The following TMEM163 variants were observed in gnomAD, a reference collection of about 807,000 sequenced individuals.
The protein encoded by TMEM163 is transmembrane protein 163.
In TMEM163, 17 loss-of-function variants were observed where a neutral mutation model predicts 29.3. The ratio of observed to expected loss-of-function variants is 0.58; its 90% CI spans 0.40 to 0.87. The LOEUF (loss-of-function observed/expected upper bound fraction) is 0.87. Among genes scored for constraint, TMEM163 ranks in the 40% least tolerant of loss-of-function variants. TMEM163 has a pLI of 0.00. For synonymous variants in TMEM163, 157 were observed against 160.6 expected (o/e 0.98, Z 0.17); for missense variants, 303 against 381.5 (o/e 0.79, Z 1.71).
chr2:134,677,001 G>C (rs1218365419), intron 2 of TMEM163, among the ~76,000 whole-genome samples: 1 of 152,108 alleles, frequency 6.6e-6, no homozygotes, highest in African/African-American at 2.4e-5. Flanking sequence ...TTCTTCTACA[G>C]TTCTCTGCAG....
chr2:134,497,587 A>G (rs577646214), intron 5 of TMEM163, among the ~76,000 whole-genome samples: 1 of 152,282 alleles, frequency 6.6e-6, no homozygotes, highest in African/African-American at 2.4e-5. Flanking sequence ...TAGAAACAAT[A>G]TCATCTTCTT....
At chr2:134,501,234 G>T (rs1455720936) in intron 5 of TMEM163, among the ~76,000 whole-genome samples, 1 of 152,210 alleles carries the variant, frequency 6.6e-6, no homozygotes, top group Non-Finnish European at 1.5e-5. Flanking sequence ...GGAATCTTCA[G>T]CTTCTCTGAA....
At chr2:134,641,228 T>C (rs1683213159) in intron 2 of TMEM163, among the ~76,000 whole-genome samples, 1 of 152,178 alleles carries the variant, frequency 6.6e-6, no homozygotes, top group African/African-American at 2.4e-5. Context: ...CCAAGGTATT[T>C]CAAGAGCCAA....
chr2:134,536,075 C>T (rs558215364), intron 4 of TMEM163, among the ~76,000 whole-genome samples: 15 of 152,016 alleles, frequency 9.9e-5, no homozygotes, highest in Non-Finnish European at 1.6e-4. Flanking sequence ...GGAGGGCGCA[C>T]GCGTATATAC....
intron 2 of TMEM163, among the ~76,000 whole-genome samples, chr2:134,664,084 T>C (rs1683819180): frequency 6.6e-6 from 1 of 152,244 alleles, no homozygotes; most frequent in Non-Finnish European, 1.5e-5. Flanking sequence ...ATGTGTCCCT[T>C]TCCTCTTGCA....
chr2:134,556,427 AC>A (rs1381574058), intron 2 of TMEM163, among the ~76,000 whole-genome samples: 1 of 152,230 alleles, frequency 6.6e-6, no homozygotes, highest in Non-Finnish European at 1.5e-5. Context: ...TAACAGCAAA[AC>A]ATTAGAGGTA....
At chr2:134,520,906 T>C (rs1680176172) in intron 4 of TMEM163, among the ~76,000 whole-genome samples, 1 of 152,224 alleles carries the variant, frequency 6.6e-6, no homozygotes, top group Admixed American at 6.5e-5. Context: ...CCTTGAAGTT[T>C]CTTCTTCCAT....
rs558473624 is a variant in TMEM163 at position 134,523,358 on chromosome 2, G to A, written c.459-20361C>T. Among the ~76,000 whole-genome samples the A allele has an allele frequency of 5.9e-5, 9 of 152,218 alleles. No individual in the cohort carries two copies. The East Asian group carries it at 1.2e-3, about 20-fold the overall frequency. On this transcript the variant is annotated intron_variant, in intron 4 of 7. Coordinates refer to ENST00000281924, the MANE Select transcript of TMEM163 (RefSeq NM_030923.5). ...TCATGAGCTTGTTAAAAGGTCACATGCCAAAAACTTCATGTAACAGGAAAG... is the reference window on the plus strand; with the variant it reads ...TCATGAGCTTGTTAAAAGGTCACATACCAAAAACTTCATGTAACAGGAAAG...
At chr2:134,520,058 G>A (rs1680161436) in intron 4 of TMEM163, among the ~76,000 whole-genome samples, 1 of 152,114 alleles carries the variant, frequency 6.6e-6, no homozygotes, top group Admixed American at 6.5e-5. Flanking sequence ...AAGGGGCGTG[G>A]AGGAAGAAAA....
At chr2:134,704,037 T>C (rs544808116) in intron 2 of TMEM163, among the ~76,000 whole-genome samples, 2 of 152,238 alleles carry the variant, frequency 1.3e-5, no homozygotes, top group East Asian at 1.9e-4. Flanking sequence ...CACTCAATCA[T>C]GGTGGGTCCC....
chr2:134,493,499 A>G (rs1574175200), intron 5 of TMEM163, among the ~76,000 whole-genome samples: 2 of 148,396 alleles, frequency 1.3e-5, no homozygotes, highest in Non-Finnish European at 3.0e-5. Context: ...TCAGCCTCCC[A>G]AGTAGCTGAG....
At chr2:134,532,316 C>T (rs1680433805) in intron 4 of TMEM163, among the ~76,000 whole-genome samples, 2 of 152,202 alleles carry the variant, frequency 1.3e-5, no homozygotes, top group South Asian at 2.1e-4. Context: ...GTCGAGATAA[C>T]ACAACAAGCC....
chr2:134,479,676 C>T (rs1687003448), intron 5 of TMEM163, among the ~76,000 whole-genome samples: 1 of 152,142 alleles, frequency 6.6e-6, no homozygotes, highest in South Asian at 2.1e-4. Context: ...GCACCTAATT[C>T]ATGCCACAGG....
Position 134,461,620 on chromosome 2 carries a change from C to T in TMEM163, c.668-3447G>A, listed in dbSNP as rs140703689. Among the ~76,000 whole-genome samples the T allele has an allele frequency of 2.9e-3, 442 of 152,348 alleles. 1 individual carries two copies. The highest frequency in any genetic ancestry group is 0.01 in the African/African-American group (422 of 41,574). On this transcript the variant is annotated intron_variant, in intron 6 of 7. Transcript: ENST00000281924. ...ATCCAAAGCCACAAACCAGATCAGA[C>T]CAGATTCACTGCACCGCACAGGGTG...
intron 2 of TMEM163, among the ~76,000 whole-genome samples, chr2:134,690,566 G>A (rs1351367222): frequency 1.3e-5 from 2 of 152,202 alleles, no homozygotes; most frequent in Non-Finnish European, 1.5e-5. Flanking sequence ...TTACAGGCAT[G>A]AGCCACCGCA....
chr2:134,476,947 C>G (rs760180225), intron 5 of TMEM163, among the ~76,000 whole-genome samples: 3 of 152,210 alleles, frequency 2.0e-5, no homozygotes, highest in Admixed American at 1.3e-4. Context: ...ACTCCTTCAA[C>G]AAGTTTCCTC....
At chr2:134,621,237 A>C (rs1400218530) in intron 2 of TMEM163, among the ~76,000 whole-genome samples, 1 of 152,238 alleles carries the variant, frequency 6.6e-6, no homozygotes, top group Non-Finnish European at 1.5e-5. Flanking sequence ...ATGCTTAATA[A>C]TATTAGTCAT....
intron 5 of TMEM163, among the ~76,000 whole-genome samples, chr2:134,472,397 T>C (rs1452083563): frequency 6.6e-6 from 1 of 152,214 alleles, no homozygotes; most frequent in African/African-American, 2.4e-5. Flanking sequence ...AAGGCTCAAA[T>C]GCTCATAAAA....
At chr2:134,678,793 A>C (rs574837636) in intron 2 of TMEM163, among the ~76,000 whole-genome samples, 1 of 152,366 alleles carries the variant, frequency 6.6e-6, no homozygotes, top group East Asian at 1.9e-4. Context: ...GAATAAATTA[A>C]TCATCTCAAG....
Sources: gnomAD v4.1 joint callset for allele counts (sites outside exome capture counted in the v4.1 genomes callset) on GRCh38, gnomAD v4.1.1 for gene constraint, MANE v1.5 for transcripts, NCBI Gene and HGNC (gene_info 2026-07-23, HGNC 2026-07-21) for gene names.